The following PLXDC2 variants were observed in gnomAD, a reference collection of about 807,000 sequenced individuals.
PLXDC2 encodes plexin domain containing 2, also known as plexin domain-containing protein 2.
PLXDC2 carries 40 observed loss-of-function variants against 68.9 expected under a neutral mutation model. The ratio of observed to expected loss-of-function variants is 0.58; its 90% CI spans 0.45 to 0.76. The LOEUF (loss-of-function observed/expected upper bound fraction) is 0.76, where lower values mean the gene tolerates loss of function less well. Ranked by LOEUF, PLXDC2 falls within the 30% of genes least tolerant of loss-of-function variation. The probability of loss-of-function intolerance (pLI) is 0.00; values close to 1 mark genes in which losing one functional copy is unlikely to be tolerated. For missense variants in PLXDC2, 644 were observed against 661.9 expected (o/e 0.97, Z 0.30); for synonymous variants, 243 against 234.2 (o/e 1.04, Z -0.34).
At chr10:19,959,849 C>G (rs1490509256) in intron 1 of PLXDC2, among the ~76,000 whole-genome samples, 1 of 152,104 alleles carries the variant, frequency 6.6e-6, no homozygotes, top group African/African-American at 2.4e-5. Context: ...TATAGAAATA[C>G]AGAGCCACAG....
At chr10:20,132,770 T>C (rs11498347) in intron 4 of PLXDC2, among the ~76,000 whole-genome samples, 2,667 of 150,454 alleles carry the variant, frequency 0.018, 49 homozygotes, top group African/African-American at 0.053. Context: ...GTTTGATCTT[T>C]AAAAAAAAAA....
intron 12 of PLXDC2, among the ~76,000 whole-genome samples, chr10:20,225,886 A>C (rs1157944532): frequency 6.6e-6 from 1 of 152,220 alleles, no homozygotes; most frequent in East Asian, 1.9e-4. Flanking sequence ...ATAAATATTA[A>C]GAACCCTCAG....
chr10:19,851,264 C>G (rs1360023256), intron 1 of PLXDC2, among the ~76,000 whole-genome samples: 1 of 152,150 alleles, frequency 6.6e-6, no homozygotes, highest in Non-Finnish European at 1.5e-5. Context: ...CTATAATAAC[C>G]TCTCAAGACA....
intron 4 of PLXDC2, among the ~76,000 whole-genome samples, chr10:20,083,745 G>A (rs2131723689): frequency 6.6e-6 from 1 of 152,118 alleles, no homozygotes; most frequent in South Asian, 2.1e-4. Flanking sequence ...TGCCTATTTT[G>A]TTAAGAAAAA....
intron 12 of PLXDC2, among the ~76,000 whole-genome samples, chr10:20,221,717 T>C (rs1348104527): frequency 6.6e-6 from 1 of 152,202 alleles, no homozygotes; most frequent in Non-Finnish European, 1.5e-5. Flanking sequence ...ATTGAAAACA[T>C]TTCAGAATTG....
intron 1 of PLXDC2, among the ~76,000 whole-genome samples, chr10:19,898,867 G>T (rs547149511): frequency 6.6e-6 from 1 of 152,292 alleles, no homozygotes; most frequent in East Asian, 1.9e-4. Flanking sequence ...GCTACAGTGG[G>T]TGAATTAAAC....
Position 20,028,425 on chromosome 10 carries a change from G to A in PLXDC2, c.325-18444G>A, listed in dbSNP as rs1029890444. Among the ~76,000 whole-genome samples the A allele has an allele frequency of 2.6e-5, 4 of 152,142 alleles. No homozygotes were observed. In the South Asian group the frequency reaches 6.2e-4, roughly 24 times the overall value. On this transcript the variant is annotated intron_variant, in intron 2 of 13. Coordinates refer to ENST00000377252, the MANE Select transcript of PLXDC2 (RefSeq NM_032812.9). Reference sequence around the variant, plus strand: ...GGTGTTATTTGAATATGAGAGGGAGGCCTCTCAATTACAACTGATTACTCC... The same window carrying A: ...GGTGTTATTTGAATATGAGAGGGAGACCTCTCAATTACAACTGATTACTCC...
intron 1 of PLXDC2, among the ~76,000 whole-genome samples, chr10:19,850,212 T>G (rs1276464547): frequency 1.3e-5 from 2 of 151,952 alleles, no homozygotes. Context: ...TTCCTTGTCC[T>G]GTGTAGTTAA....
intron 13 of PLXDC2, among the ~76,000 whole-genome samples, chr10:20,278,446 C>T (rs918414627): frequency 3.3e-5 from 5 of 152,144 alleles, no homozygotes; most frequent in Admixed American, 2.6e-4. Flanking sequence ...ACCACAGACA[C>T]GTTGTTTTGC....
chr10:20,217,069 T>G (rs1835147453), intron 10 of PLXDC2, among the ~76,000 whole-genome samples: 1 of 152,202 alleles, frequency 6.6e-6, no homozygotes, highest in African/African-American at 2.4e-5. Context: ...AACCTTATCT[T>G]TATGCACCTG....
intron 1 of PLXDC2, among the ~76,000 whole-genome samples, chr10:19,938,304 G>A (rs369394709): frequency 1.3e-5 from 2 of 152,152 alleles, no homozygotes; most frequent in Admixed American, 6.5e-5. Context: ...GAAAGGTAGT[G>A]TATTAGGCCA....
intron 2 of PLXDC2, among the ~76,000 whole-genome samples, chr10:20,046,403 T>C (rs79480496): frequency 0.018 from 2,702 of 152,224 alleles, 78 homozygotes; most frequent in African/African-American, 0.061. Flanking sequence ...CATTTAATCA[T>C]TATTCTCCAC....
At chr10:19,893,533 A>G (rs996280359) in intron 1 of PLXDC2, among the ~76,000 whole-genome samples, 1 of 152,210 alleles carries the variant, frequency 6.6e-6, no homozygotes, top group Non-Finnish European at 1.5e-5. Flanking sequence ...AAGCCTGGTC[A>G]TAAACTCCAC....
intron 1 of PLXDC2, among the ~76,000 whole-genome samples, chr10:19,862,595 T>C (rs76183737): frequency 0.046 from 7,044 of 152,260 alleles, 262 homozygotes; most frequent in Non-Finnish European, 0.06. Flanking sequence ...AGCTCATGAA[T>C]CATAAATGAG....
At chr10:19,980,132 G>A (rs1040148492) in intron 1 of PLXDC2, among the ~76,000 whole-genome samples, 8 of 152,190 alleles carry the variant, frequency 5.3e-5, no homozygotes, top group South Asian at 2.1e-4. Context: ...AAAGATGAGA[G>A]TGAATGTCTA....
chr10:20,189,076 A>G, intron 9 of PLXDC2, among the ~76,000 whole-genome samples: 1 of 76,196 alleles, frequency 1.3e-5, no homozygotes, highest in South Asian at 3.1e-4. Flanking sequence ...GAAATATAGC[A>G]TAAACAAGAT....
chr10:19,901,943 A>G (rs1190977301), intron 1 of PLXDC2, among the ~76,000 whole-genome samples: 1 of 151,948 alleles, frequency 6.6e-6, no homozygotes, highest in Non-Finnish European at 1.5e-5. Context: ...TCCTTTCCCC[A>G]CTTTATGTTT....
chr10:20,247,536 CT>C (rs1835616534), intron 13 of PLXDC2, among the ~76,000 whole-genome samples: 1 of 152,090 alleles, frequency 6.6e-6, no homozygotes, highest in Middle Eastern at 3.4e-3. Context: ...GCCAAAAGGC[CT>C]TTGATACTGT....
At chr10:20,045,510 C>G (rs1835782799) in intron 2 of PLXDC2, among the ~76,000 whole-genome samples, 1 of 152,124 alleles carries the variant, frequency 6.6e-6, no homozygotes, top group Admixed American at 6.6e-5. Context: ...CATTTAATCA[C>G]TATTCTCAAC....
Sources: gnomAD v4.1 joint callset for allele counts (sites outside exome capture counted in the v4.1 genomes callset) on GRCh38, gnomAD v4.1.1 for gene constraint, MANE v1.5 for transcripts, NCBI Gene and HGNC (gene_info 2026-07-23, HGNC 2026-07-21) for gene names.